MYLK3: variants seen among roughly 807,000 people sequenced by gnomAD.
The protein encoded by MYLK3 is MLC kinase.
A neutral mutation model predicts 76.3 loss-of-function variants in MYLK3; 55 were observed. The ratio of observed to expected loss-of-function variants is 0.72; its 90% CI spans 0.58 to 0.90. The LOEUF is 0.90. MYLK3 is among the 40% of genes least tolerant of loss of function. The probability of loss-of-function intolerance (pLI) is 0.00; values close to 1 mark genes in which losing one functional copy is unlikely to be tolerated. For synonymous variants in MYLK3, 416 were observed against 425.4 expected (o/e 0.98, Z 0.27); for missense variants, 973 against 1,053.6 (o/e 0.92, Z 1.06).
intron 2 of MYLK3, 97 bp from the exon 3 acceptor site, chr16:46,738,240 G>A (rs959478669): frequency 7.3e-5 from 84 of 1,143,600 alleles, no homozygotes; most frequent in Non-Finnish European, 9.0e-5. Flanking sequence ...TCAGTGCTCA[G>A]GTTTATAATA....
chr16:46,746,154 G>A (rs1408866794), intron 1 of MYLK3, among the ~76,000 whole-genome samples: 1 of 152,004 alleles, frequency 6.6e-6, no homozygotes, highest in Non-Finnish European at 1.5e-5. Flanking sequence ...GTATTTGCAT[G>A]TAACCTACAC....
At chr16:46,732,045 T>C (rs778046140) in intron 4 of MYLK3, among the ~76,000 whole-genome samples, 163 bp downstream of exon 4, 1 of 152,034 alleles carries the variant, frequency 6.6e-6, no homozygotes, top group Non-Finnish European at 1.5e-5. Flanking sequence ...CTCTGCGCCT[T>C]GGTCTCCAGC....
intron 12 of MYLK3, among the ~76,000 whole-genome samples, chr16:46,709,111 A>G (rs1381762693): frequency 6.6e-6 from 1 of 152,192 alleles, no homozygotes; most frequent in African/African-American, 2.4e-5. Flanking sequence ...TCTGTTTAGA[A>G]TCAAAATGTA....
chr16:46,748,095 G>A lies in MYLK3; in HGVS notation c.99C>T (p.Asn33=), dbSNP rs116998681. 234 of 1,614,224 alleles carry A rather than the reference G, an allele frequency of 1.4e-4. 1 individual carries two copies. In the East Asian group the frequency reaches 2.9e-3, roughly 20 times the overall value. ...TTMDTKLNML[N]EKVDQLLHFQ... ...AGTGCAGGAGCTGGTCCACCTTCTC[G>A]TTCAGCATGTTCAGCTTTGTGTCCA... is the stretch of plus-strand genomic sequence containing the variant. The change falls in exon 1 of 13, where the codon AAC becomes AAT. Residue 33 remains asparagine, a synonymous_variant. Transcript: ENST00000394809. The surrounding 1 kb of genome is among the most constrained non-coding windows in gnomAD (Gnocchi z 4.3).
At chr16:46,714,686 C>T (rs1395724595) in intron 9 of MYLK3, among the ~76,000 whole-genome samples, 1 of 152,178 alleles carries the variant, frequency 6.6e-6, no homozygotes, top group Non-Finnish European at 1.5e-5. Context: ...CTTTGTAGTT[C>T]CCTCCACAAG....
intron 1 of MYLK3, among the ~76,000 whole-genome samples, chr16:46,745,761 C>A (rs1967011001): frequency 6.6e-6 from 1 of 151,916 alleles, no homozygotes; most frequent in South Asian, 2.1e-4. Context: ...ACAAAAACAA[C>A]AAAGCAGTTC....
chr16:46,724,357 G>T (rs552117521), intron 8 of MYLK3, among the ~76,000 whole-genome samples: 1 of 152,086 alleles, frequency 6.6e-6, no homozygotes, highest in South Asian at 2.1e-4. Context: ...TCATATCTAA[G>T]AAACCATTGC....
chr16:46,759,690 C>T (rs994731224), intron 1 of MYLK3, among the ~76,000 whole-genome samples: 3 of 151,680 alleles, frequency 2.0e-5, no homozygotes, highest in Admixed American at 6.6e-5. Context: ...TGAAGAGGCG[C>T]GATCTCTGCT....
chr16:46,709,464 A>G, intron 12 of MYLK3, 75 bp downstream of exon 12: 2 of 1,467,986 alleles, frequency 1.4e-6, no homozygotes, highest in Non-Finnish European at 1.8e-6. Flanking sequence ...AAAGAAAAGG[A>G]AACTTAGCTA....
At chr16:46,752,463 T>C (rs1489346264), upstream of MYLK3, among the ~76,000 whole-genome samples, 1 of 152,148 alleles carries the variant, frequency 6.6e-6, no homozygotes, top group African/African-American at 2.4e-5. Context: ...AGTTAATCTA[T>C]ACAACAAGCC....
chr16:46,731,987 G>A (rs1026640425), intron 4 of MYLK3, among the ~76,000 whole-genome samples: 3 of 152,062 alleles, frequency 2.0e-5, no homozygotes, highest in African/African-American at 7.2e-5. Context: ...GGCCACACGT[G>A]TCCCCTCTCC....
At chr16:46,739,923 A>C (rs1054387740) in intron 2 of MYLK3, 134 bp downstream of exon 2, 1 of 659,102 alleles carries the variant, frequency 1.5e-6, no homozygotes, top group Non-Finnish European at 2.6e-6. Flanking sequence ...TATGACAAAA[A>C]ACCCTGCAAA....
exon 1 of MYLK3, chr16:46,763,088 A>G: frequency 3.0e-6 from 3 of 985,406 alleles, no homozygotes; most frequent in Middle Eastern, 1.0e-3. Context: ...TCTTGTTTTC[A>G]TAAGTCTCCA....
chr16:46,756,470 G>A (rs373188164), intron 1 of MYLK3, among the ~76,000 whole-genome samples: 2 of 152,346 alleles, frequency 1.3e-5, no homozygotes, highest in East Asian at 3.9e-4. Context: ...CAGCTTCAAC[G>A]TGTTTGCTTC....
At chr16:46,725,611 T>G (rs768796421) in intron 8 of MYLK3, among the ~76,000 whole-genome samples, 1 of 152,274 alleles carries the variant, frequency 6.6e-6, no homozygotes, top group Non-Finnish European at 1.5e-5. Context: ...CTTGCATTCT[T>G]GGGATAAATT....
intron 8 of MYLK3, among the ~76,000 whole-genome samples, chr16:46,724,272 G>T (rs1453298015): frequency 6.6e-6 from 1 of 151,642 alleles, no homozygotes; most frequent in African/African-American, 2.4e-5. Flanking sequence ...CTTTTCTCAT[G>T]GTATCCTTTG....
At chr16:46,741,875 A>T (rs1490042853) in intron 1 of MYLK3, among the ~76,000 whole-genome samples, 1 of 150,742 alleles carries the variant, frequency 6.6e-6, no homozygotes, top group Non-Finnish European at 1.5e-5. Flanking sequence ...GGATTAAGTG[A>T]TCCTCTCACC....
chr16:46,757,491 G>A (rs2143018452), intron 1 of MYLK3: 1 of 985,460 alleles, frequency 1.0e-6, no homozygotes, highest in Non-Finnish European at 1.2e-6. Flanking sequence ...GTGCTGGAGT[G>A]GGGCACAGAG....
Position 46,729,632 on chromosome 16 carries a change from C to G in MYLK3, c.1624G>C (p.Ala542Pro). 1 of 1,613,780 alleles carries G rather than the reference C, an allele frequency of 6.2e-7. No homozygotes were observed. Among genetic ancestry groups the G allele is most frequent in the East Asian group, 2.2e-5 (1 of 44,884 alleles). ...CTCTTCACTTTGATGATCTTGGCAG[C>G]CAGTGGGAGGCCTGTGGACTTCTCT... Reference protein sequence around the residue: ...CTEKSTGLPLAAKIIKVKSAK... With the variant: ...CTEKSTGLPLPAKIIKVKSAK... Residue 542 changes from alanine to proline, a missense_variant, in exon 6 of 13, where the codon GCT (alanine) becomes CCT (proline). This residue lies in a region of MYLK3 where 332 missense variants were observed against 416.6 expected (regional missense o/e 0.80). Transcript: ENST00000394809.
Sources: allele counts gnomAD v4.1 joint callset (sites outside exome capture counted in the v4.1 genomes callset), GRCh38; gene constraint gnomAD v4.1.1; regional missense constraint gnomAD v4.1.1; non-coding constraint Gnocchi (gnomAD v3.1); transcripts MANE v1.5; gene names NCBI Gene and HGNC (gene_info 2026-07-23, HGNC 2026-07-21).